CRISP2: variants seen among roughly 807,000 people sequenced by gnomAD.
CRISP2 encodes the protein cysteine-rich secretory protein 2.
Under a neutral mutation model 31.7 loss-of-function variants are expected in CRISP2, and 29 were observed. That is an observed-to-expected ratio of 0.92 (90% CI 0.68 to 1.25). The LOEUF (loss-of-function observed/expected upper bound fraction) is 1.25. CRISP2 is among the 50% of genes most tolerant of loss of function. The probability of loss-of-function intolerance (pLI) is 0.00; values close to 1 mark genes in which losing one functional copy is unlikely to be tolerated. For synonymous variants in CRISP2, 111 were observed against 101.4 expected (o/e 1.09, Z -0.57); for missense variants, 318 against 286.5 (o/e 1.11, Z -0.79).
At chr6:49,682,571 CTTTTTCTTTCTTTCTT>C in the CRISP2 span, among the ~76,000 whole-genome samples, 2 of 103,536 alleles carry the variant, frequency 1.9e-5, no homozygotes, top group South Asian at 3.9e-4. Flanking sequence ...CTCTTTCTTT[CTTTTTCTTTCTTTCTT>C]TTTCTTTCTT....
At chr6:49,708,913 A>G (rs1426490470) in intron 4 of CRISP2, among the ~76,000 whole-genome samples, 1 of 152,214 alleles carries the variant, frequency 6.6e-6, no homozygotes, top group Non-Finnish European at 1.5e-5. Context: ...TCAAGTGTTC[A>G]GTAGTCACAT....
chr6:49,698,392 A>T lies in CRISP2; in HGVS notation c.387T>A (p.Ser129Arg), dbSNP rs1765130860. Residue 129 changes from serine to arginine, a missense_variant, in exon 7 of 10, where the codon AGT (serine) becomes AGA (arginine). Physicochemically the swap from Ser to Arg is moderately radical, Grantham distance 110. Transcript: ENST00000339139. ...LDFVYGVGPK[S>R]PNAVVGHYTQ... ...TATAATGTCCAACAACTGCATTGGG[A>T]CTCTTTGGTCCTACACCATAGACAA... The T allele has an allele frequency of 6.2e-7, 1 of 1,613,034 alleles. No individual in the cohort carries two copies. The highest frequency in any genetic ancestry group is 8.5e-7 in the Non-Finnish European group (1 of 1,179,520).
upstream of CRISP2, among the ~76,000 whole-genome samples, chr6:49,714,148 A>G (rs1412785503): frequency 2.0e-5 from 3 of 152,230 alleles, no homozygotes; most frequent in African/African-American, 4.8e-5. Context: ...CGTATCAAGC[A>G]TGGGTTAAAG....
At chr6:49,694,324 C>T (rs1177443986) in intron 9 of CRISP2, among the ~76,000 whole-genome samples, 1 of 152,190 alleles carries the variant, frequency 6.6e-6, no homozygotes, top group East Asian at 1.9e-4. Flanking sequence ...CCAGCTACTA[C>T]AATTCATTTG....
chr6:49,687,704 C>G (rs1763927481), downstream of CRISP2, among the ~76,000 whole-genome samples: 2 of 152,190 alleles, frequency 1.3e-5, no homozygotes. Context: ...TAGGTTCAGA[C>G]ATGAGACTGT....
At chr6:49,701,719 G>GTATA (rs908150938) in intron 4 of CRISP2, among the ~76,000 whole-genome samples, 1 of 57,128 alleles carries the variant, frequency 1.8e-5, no homozygotes, top group African/African-American at 6.6e-5. Flanking sequence ...CATATATAAT[G>GTATA]TATATATAAT....
chr6:49,689,067 T>A (rs192656290), downstream of CRISP2, among the ~76,000 whole-genome samples: 6 of 152,228 alleles, frequency 3.9e-5, no homozygotes, highest in African/African-American at 1.4e-4. Flanking sequence ...AGATGAAGAT[T>A]CACCATGTTG....
intron 1 of CRISP2, among the ~76,000 whole-genome samples, chr6:49,713,244 A>G (rs1177753801): frequency 1.3e-5 from 2 of 152,188 alleles, no homozygotes. Flanking sequence ...AGGTAGGTAA[A>G]GAGTTTCAAT....
chr6:49,701,525 TACAC>T (rs1214427161), intron 4 of CRISP2, among the ~76,000 whole-genome samples: 1,420 of 80,994 alleles, frequency 0.018, 100 homozygotes, highest in African/African-American at 0.069. Context: ...TATATATATA[TACAC>T]ACACACACAC....
At chr6:49,687,492 C>T (rs1763920040), downstream of CRISP2, among the ~76,000 whole-genome samples, 1 of 152,176 alleles carries the variant, frequency 6.6e-6, no homozygotes, top group Non-Finnish European at 1.5e-5. Flanking sequence ...TCTAAATTTT[C>T]TATGCAGAAA....
chr6:49,705,266 A>G lies in CRISP2; in HGVS notation c.66+3865T>C, dbSNP rs146221482. On this transcript the variant is annotated intron_variant, in intron 4 of 9. Coordinates refer to ENST00000339139, the MANE Select transcript of CRISP2 (RefSeq NM_003296.4). The stretch of plus-strand genomic sequence containing the variant: ...GGGCTATGGCTGCCTCGGCTGCTTC[A>G]TAGAGGTCACCAGGGAAGTGGTGGA... 1.3e-3 allele frequency among the ~76,000 whole-genome samples: 191 copies of G among 152,192 alleles called. 2 individuals carry two copies. Among genetic ancestry groups the G allele is most frequent in the African/African-American group, 4.4e-3 (182 of 41,536 alleles).
Position 49,700,755 on chromosome 6 carries a change from G to A in CRISP2, c.96C>T (p.Thr32=). 2 of 1,611,194 alleles carry A rather than the reference G, an allele frequency of 1.2e-6. No individual in the cohort carries two copies. The highest frequency in any genetic ancestry group is 1.7e-6 in the Non-Finnish European group (2 of 1,178,366). The change falls in exon 5 of 10, where the codon ACC becomes ACT. Residue 32 remains threonine (T), a synonymous_variant. Transcript: ENST00000339139. ...KDPAFTALLT[T]QLQVQREIVN... ...CAATCTCCCTTTGCACTTGCAACTG[G>A]GTGGTTAACAAAGCAGTAAAAGCGG... is the stretch of plus-strand genomic sequence containing the variant.
At chr6:49,686,767 G>A in the CRISP2 span, among the ~76,000 whole-genome samples, 29 of 152,198 alleles carry the variant, frequency 1.9e-4, no homozygotes, top group Middle Eastern at 6.8e-3. Flanking sequence ...TGCTTATTGC[G>A]GCATTATTCA....
At chr6:49,688,016 C>T (rs535892177), downstream of CRISP2, among the ~76,000 whole-genome samples, 3 of 152,208 alleles carry the variant, frequency 2.0e-5, no homozygotes, top group East Asian at 1.9e-4. Context: ...TTTGATATGC[C>T]GAGGGACTGA....
rs145666327 is a variant in CRISP2 at position 49,695,874 on chromosome 6, C to G, written c.566G>C (p.Cys189Ser). Residue 189 changes from cysteine to serine, a missense_variant, in exon 9 of 10, where the codon TGT (cysteine) becomes TCT (serine). Transcript: ENST00000339139. The stretch of plus-strand genomic sequence containing the variant: ...GTCACAGTCATCAGGGCAACCGGCA[C>G]AAGGTGTTCCTTGTTGGTACGGGGT... Reference protein sequence around the residue: ...KNTPYQQGTPCAGCPDDCDKG... With the variant: ...KNTPYQQGTPSAGCPDDCDKG... 1.2e-6 allele frequency: 2 copies of G among 1,613,292 alleles called. No homozygotes were observed. Among genetic ancestry groups the G allele is most frequent in the Admixed American group, 3.3e-5 (2 of 59,964 alleles).
At chr6:49,698,713 C>T (rs1457632299) in intron 6 of CRISP2, among the ~76,000 whole-genome samples, 1 of 152,082 alleles carries the variant, frequency 6.6e-6, no homozygotes, top group Non-Finnish European at 1.5e-5. Flanking sequence ...GTTGGCCTGA[C>T]CACATAAAAC....
At chr6:49,705,699 T>G (rs1298141490) in intron 4 of CRISP2, among the ~76,000 whole-genome samples, 9 of 152,090 alleles carry the variant, frequency 5.9e-5, no homozygotes, top group Non-Finnish European at 1.3e-4. Flanking sequence ...GAACTGGGAG[T>G]GCCTACAGGG....
At chr6:49,693,393 A>C (rs1764223661) in intron 9 of CRISP2, among the ~76,000 whole-genome samples, 1 of 152,200 alleles carries the variant, frequency 6.6e-6, no homozygotes, top group African/African-American at 2.4e-5. Flanking sequence ...GACTCTTTCC[A>C]TCATATCATA....
the CRISP2 span, among the ~76,000 whole-genome samples, chr6:49,683,855 T>C: frequency 6.6e-6 from 1 of 150,792 alleles, no homozygotes; most frequent in South Asian, 2.1e-4. Context: ...ACAAGTAATC[T>C]ACCTAAGAGC....
Sources: allele counts gnomAD v4.1 joint callset (sites outside exome capture counted in the v4.1 genomes callset), GRCh38; gene constraint gnomAD v4.1.1; transcripts MANE v1.5; gene names NCBI Gene and HGNC (gene_info 2026-07-23, HGNC 2026-07-21).